Variants in BRSK2 observed in about 807,000 individuals in gnomAD.
BRSK2 encodes serine/threonine-protein kinase BRSK2.
A neutral mutation model predicts 83.3 loss-of-function variants in BRSK2; 19 were observed. The ratio of observed to expected loss-of-function variants is 0.23; its 90% CI spans 0.16 to 0.33. The LOEUF is 0.33. BRSK2 is among the 10% of genes least tolerant of loss of function. The pLI is 1.00. For synonymous variants in BRSK2, 519 were observed against 435.4 expected (o/e 1.19, Z -2.39); for missense variants, 798 against 1,042.3 (o/e 0.77, Z 3.23).
chr11:1,451,408 G>C lies in BRSK2; in HGVS notation c.1533G>C (p.Glu511Asp), dbSNP rs756744631. Residue 511 changes from glutamate to aspartate, a missense_variant, in exon 15 of 20, where the codon GAG (glutamate) becomes GAC (aspartate). Glu to Asp is a conservative substitution (Grantham distance 45, BLOSUM62 2). Coordinates refer to ENST00000528841, the MANE Select transcript of BRSK2 (RefSeq NM_001256627.2). ...TPEEMSNLTP[E>D]SSPELAKKSW... ...AGGAGATGTCCAACCTGACACCAGA[G>C]TCGTCCCCAGAGTAAGTGGCCCCTG... is the stretch of plus-strand genomic sequence containing the variant. 1 of 1,612,834 alleles carries C rather than the reference G, an allele frequency of 6.2e-7. No individual in the cohort carries two copies. Among genetic ancestry groups the C allele is most frequent in the African/African-American group, 1.3e-5 (1 of 74,954 alleles).
At chr11:1,456,271 GCCCCAGGGCTGCCTCC>G in intron 16 of BRSK2, 61 bp from the exon 17 acceptor site, 4 of 1,405,138 alleles carry the variant, frequency 2.8e-6, no homozygotes, top group Non-Finnish European at 3.8e-6. Flanking sequence ...GGGCTGGCTC[GCCCCAGGGCTGCCTCC>G]CCAGAGGGCC....
Position 1,412,854 on chromosome 11 carries a change from C to T in BRSK2, c.91+22479C>T, listed in dbSNP as rs540707026. 1.8e-3 allele frequency among the ~76,000 whole-genome samples: 267 copies of T among 149,646 alleles called. 2 individuals carry two copies. Among genetic ancestry groups the T allele is most frequent in the African/African-American group, 6.0e-3 (235 of 39,102 alleles). On this transcript the variant is annotated intron_variant, in intron 1 of 19. Coordinates refer to ENST00000528841, the MANE Select transcript of BRSK2 (RefSeq NM_001256627.2). The stretch of plus-strand genomic sequence containing the variant: ...CAACCCCGCGTCCCAGGCAACCCTG[C>T]GTCCCAGGCCCGTCGGGTCTCTGGC...
chr11:1,445,998 G>A (rs1852000579), intron 12 of BRSK2, 91 bp downstream of exon 12: 1 of 1,469,308 alleles, frequency 6.8e-7, no homozygotes, highest in South Asian at 1.3e-5. Context: ...TTGGCCTGGG[G>A]TCTCGGCTGA....
At position 1,454,191 on chromosome 11, in the gene BRSK2, A is replaced by ACCTGTGGC; in HGVS notation, c.1545-294_1545-293insCCTGTGGC. ...TCACCTGTGGGGGGCTCACCTGTGGAGGGGCATCCCCAGACTTGGGAGTGG... is the reference window on the plus strand; with the variant it reads ...TCACCTGTGGGGGGCTCACCTGTGGACCTGTGGCGGGGCATCCCCAGACTTGGGAGTGG... On this transcript the variant is annotated intron_variant, in intron 15 of 19. Transcript: ENST00000528841. The surrounding 1 kb of genome is among the most constrained non-coding windows in gnomAD (Gnocchi z 5.2). 2 of 179,002 alleles carry ACCTGTGGC rather than the reference A, an allele frequency of 1.1e-5. No homozygotes were observed. Among genetic ancestry groups the ACCTGTGGC allele is most frequent in the East Asian group, 1.8e-4 (1 of 5,496 alleles). 11.1% of individuals were successfully genotyped at this position (179,002 alleles called of 1,614,324 possible).
At chr11:1,445,206 G>A in intron 9 of BRSK2, 88 bp from the exon 10 acceptor site, 4 of 1,514,614 alleles carry the variant, frequency 2.6e-6, no homozygotes, top group Non-Finnish European at 3.6e-6. Context: ...CAGGATGAAG[G>A]GCCCCAGGTG....
chr11:1,449,382 C>G (rs1845524025), intron 12 of BRSK2, among the ~76,000 whole-genome samples: 1 of 152,210 alleles, frequency 6.6e-6, no homozygotes, highest in African/African-American at 2.4e-5. Context: ...CCAGGGGGGG[C>G]TTGGCAGGTG....
chr11:1,399,720 G>A (rs764865091), intron 1 of BRSK2, among the ~76,000 whole-genome samples: 3 of 152,126 alleles, frequency 2.0e-5, no homozygotes, highest in African/African-American at 4.8e-5. Context: ...GCCTTCTGCC[G>A]GGTGGACATG....
rs558162894 is a variant in BRSK2 at position 1,419,149 on chromosome 11, G to A, written c.92-16891G>A. Reference sequence around the variant, plus strand: ...AGGTGTGAGTCTGGGCACTGGTGGCGGGGGGGGCCTTTGCTCAGCTGTGTT... The same window carrying A: ...AGGTGTGAGTCTGGGCACTGGTGGCAGGGGGGGCCTTTGCTCAGCTGTGTT... On this transcript the variant is annotated intron_variant, in intron 1 of 19. Transcript: ENST00000528841. Among the ~76,000 whole-genome samples the A allele has an allele frequency of 3.0e-4, 26 of 85,936 alleles. 1 individual carries two copies. The highest frequency in any genetic ancestry group is 1.6e-3 in the East Asian group (8 of 4,868). The allele number at this position is 85,936 out of a possible 152,430, so 56.4% of individuals were successfully genotyped here.
At chr11:1,401,770 C>T (rs371527079) in intron 1 of BRSK2, among the ~76,000 whole-genome samples, 16 of 152,342 alleles carry the variant, frequency 1.1e-4, no homozygotes, top group African/African-American at 3.8e-4. Flanking sequence ...GCGGAGAGGC[C>T]CTCAGGGAGC....
rs760951114 is a variant in BRSK2, at chr11:1,436,143, G to A, written c.186+9G>A. ...AGTCGGTGCTGATGAAGGTGGGTGG[G>A]GCCGGGGAGGGAGGCGGGGCCGGCG... On this transcript the variant is annotated intron_variant, in intron 2 of 19. Transcript: ENST00000528841. 1.7e-6 allele frequency: 2 copies of A among 1,180,232 alleles called. No individual in the cohort carries two copies. Among genetic ancestry groups the A allele is most frequent in the South Asian group, 1.6e-5 (1 of 61,470 alleles). The allele number at this position is 1,180,232 out of a possible 1,614,324, so 73.1% of individuals were successfully genotyped here.
At position 1,445,678 on chromosome 11, in the gene BRSK2, CA is replaced by C. The variant is rs1564857550; in HGVS notation, c.1075+11del. ...CCCCGGAACGAGATAGGTATGGGTC[CA>C]GGGGTGGCCTCCAGCCCGGCCTGCA... On this transcript the variant is annotated intron_variant, in intron 11 of 19. Coordinates refer to ENST00000528841, the MANE Select transcript of BRSK2 (RefSeq NM_001256627.2). The C allele has an allele frequency of 4.3e-6, 7 of 1,609,362 alleles. No homozygotes were observed. The highest frequency in any genetic ancestry group is 5.9e-6 in the Non-Finnish European group (7 of 1,178,370).
intron 14 of BRSK2, among the ~76,000 whole-genome samples, chr11:1,451,055 A>C (rs972064994): frequency 1.3e-5 from 2 of 152,188 alleles, no homozygotes; most frequent in African/African-American, 2.4e-5. Flanking sequence ...CACAGCAAGG[A>C]GAGCTGGCCA....
At position 1,411,354 on chromosome 11, in the gene BRSK2, C is replaced by T. The variant is rs888751072; in HGVS notation, c.91+20979C>T. The T allele has an allele frequency of 2.8e-6, 4 of 1,447,276 alleles. No homozygotes were observed. The African/African-American group carries it at 5.9e-5, about 21-fold the overall frequency. The allele number at this position is 1,447,276 out of a possible 1,614,324, so 89.7% of individuals were successfully genotyped here. On this transcript the variant is annotated intron_variant, in intron 1 of 19. Coordinates refer to ENST00000528841, the MANE Select transcript of BRSK2 (RefSeq NM_001256627.2). ...CGGAGCAGGGGGCACAGTTCTGCCC[C>T]ATCTGGCCCTAGTTTGGGGAGGGAG...
chr11:1,397,896 G>A (rs1846220978), intron 1 of BRSK2, among the ~76,000 whole-genome samples: 2 of 152,188 alleles, frequency 1.3e-5, no homozygotes, highest in Admixed American at 6.5e-5. Context: ...TGAGGGGGAT[G>A]GGGGTGCCCA....
At chr11:1,418,619 A>G (rs1273738351) in intron 1 of BRSK2, among the ~76,000 whole-genome samples, 3 of 151,224 alleles carry the variant, frequency 2.0e-5, no homozygotes, top group African/African-American at 7.3e-5. Context: ...AGAGTGGGTC[A>G]CACTGTGTCC....
At chr11:1,398,639 C>T (rs1846270319) in intron 1 of BRSK2, among the ~76,000 whole-genome samples, 2 of 152,148 alleles carry the variant, frequency 1.3e-5, no homozygotes, top group African/African-American at 4.8e-5. Flanking sequence ...GGCCAGGGGG[C>T]CAGAGGTTCC....
At position 1,438,422 on chromosome 11, in the gene BRSK2, TGG is replaced by T; in HGVS notation, c.272+32_272+33del. 1.3e-6 allele frequency: 2 copies of T among 1,596,910 alleles called. No homozygotes were observed. Among genetic ancestry groups the T allele is most frequent in the South Asian group, 1.1e-5 (1 of 90,668 alleles). On this transcript the variant is annotated intron_variant, in intron 3 of 19. Coordinates refer to ENST00000528841, the MANE Select transcript of BRSK2 (RefSeq NM_001256627.2). This position sits in a 1 kb window ranked among gnomAD's most constrained non-coding sequence, Gnocchi z 6.4. ...TATTGCTGGGTCTGAAGAGCTGGGG[TGG>T]CGGAGGTGGCAGCTGTCGCTGCAGG...
intron 1 of BRSK2, among the ~76,000 whole-genome samples, chr11:1,421,999 G>A (rs1848677316): frequency 6.6e-6 from 1 of 152,128 alleles, no homozygotes; most frequent in Admixed American, 6.5e-5. Flanking sequence ...GGTGTCACTG[G>A]GCCTGCAGGG....
chr11:1,459,110 T>G, intron 18 of BRSK2, 82 bp from the exon 19 acceptor site: 1 of 1,128,302 alleles, frequency 8.9e-7, no homozygotes, highest in Non-Finnish European at 1.2e-6. Flanking sequence ...CCCCTCCCCA[T>G]CGAGGCTGTG....
Sources: allele counts gnomAD v4.1 joint callset (sites outside exome capture counted in the v4.1 genomes callset), GRCh38; gene constraint gnomAD v4.1.1; non-coding constraint Gnocchi (gnomAD v3.1); transcripts MANE v1.5; gene names NCBI Gene and HGNC (gene_info 2026-07-23, HGNC 2026-07-21).